NRG1: variants seen among roughly 807,000 people sequenced by gnomAD.
The protein encoded by NRG1 is neuregulin 1, also known as pro-neuregulin-1, membrane-bound isoform.
NRG1 carries 18 observed loss-of-function variants against 63.8 expected under a neutral mutation model. The ratio of observed to expected loss-of-function variants is 0.28; its 90% CI spans 0.19 to 0.42. The LOEUF (loss-of-function observed/expected upper bound fraction) is 0.42, where lower values mean the gene tolerates loss of function less well. Ranked by LOEUF, NRG1 falls within the 10% of genes least tolerant of loss-of-function variation. The probability of loss-of-function intolerance (pLI) is 1.00; values close to 1 mark genes in which losing one functional copy is unlikely to be tolerated. For missense variants in NRG1, 762 were observed against 814.7 expected (o/e 0.94, Z 0.79); for synonymous variants, 302 against 301.3 (o/e 1.00, Z -0.02).
At chr8:31,818,005 A>C (rs1823619622) in intron 1 of NRG1, among the ~76,000 whole-genome samples, 1 of 152,246 alleles carries the variant, frequency 6.6e-6, no homozygotes, top group Non-Finnish European at 1.5e-5. Context: ...AGTGATAAAG[A>C]ACTGATTTTA....
chr8:32,165,316 A>G (rs1293132364), intron 1 of NRG1, among the ~76,000 whole-genome samples: 2 of 151,856 alleles, frequency 1.3e-5, no homozygotes, highest in African/African-American at 4.8e-5. Flanking sequence ...ACTTTTTAAA[A>G]ACATTTTTGT....
intron 1 of NRG1, among the ~76,000 whole-genome samples, chr8:31,652,976 TCTCCTCTCCTCTC>T (rs1805018647): frequency 2.9e-5 from 1 of 34,972 alleles, no homozygotes; most frequent in African/African-American, 9.5e-5. Flanking sequence ...TCTCCTCTCC[TCTCCTCTCCTCTC>T]CTCTCCTCTC....
intron 1 of NRG1, among the ~76,000 whole-genome samples, chr8:31,817,393 AG>A (rs1823559073): frequency 6.6e-6 from 1 of 152,310 alleles, no homozygotes; most frequent in Admixed American, 6.5e-5. Context: ...AGAAGTGCCT[AG>A]CTACACACTC....
At chr8:31,704,513 A>G (rs1021737033) in intron 1 of NRG1, among the ~76,000 whole-genome samples, 2 of 152,116 alleles carry the variant, frequency 1.3e-5, no homozygotes, top group East Asian at 1.9e-4. Context: ...AAGACTCATG[A>G]CATTTTTTGG....
At chr8:31,841,811 C>A (rs922013937) in intron 1 of NRG1, among the ~76,000 whole-genome samples, 2 of 152,148 alleles carry the variant, frequency 1.3e-5, no homozygotes, top group African/African-American at 4.8e-5. Flanking sequence ...CCCTTCCTTA[C>A]TTTTTTTACA....
chr8:32,605,987 G>C (rs1201073556), intron 3 of NRG1, among the ~76,000 whole-genome samples: 2 of 151,460 alleles, frequency 1.3e-5, no homozygotes, highest in Admixed American at 1.3e-4. Flanking sequence ...TGGTCAGTGA[G>C]GGCAGTCAAG....
chr8:32,704,051 A>G (rs1484031279), intron 5 of NRG1, among the ~76,000 whole-genome samples: 1 of 152,266 alleles, frequency 6.6e-6, no homozygotes, highest in Non-Finnish European at 1.5e-5. Context: ...CCCTTCAGTA[A>G]CAAAGAATGA....
intron 1 of NRG1, among the ~76,000 whole-genome samples, chr8:32,293,611 A>G (rs1854466782): frequency 6.6e-6 from 1 of 150,792 alleles, no homozygotes; most frequent in Admixed American, 6.6e-5. Flanking sequence ...TCCTTGTTTG[A>G]TTTTTAGGAA....
chr8:32,561,841 T>A (rs1054637926), intron 1 of NRG1, among the ~76,000 whole-genome samples: 4 of 151,566 alleles, frequency 2.6e-5, no homozygotes. Flanking sequence ...ATTTATTTAT[T>A]TAGGGTTTTT....
intron 1 of NRG1, among the ~76,000 whole-genome samples, chr8:32,160,323 A>G (rs1838687031): frequency 6.6e-6 from 1 of 152,232 alleles, no homozygotes. Context: ...ATTGATGAGC[A>G]CTTACTGTGT....
intron 1 of NRG1, among the ~76,000 whole-genome samples, chr8:31,789,612 G>A (rs919743823): frequency 8.5e-5 from 13 of 152,172 alleles, no homozygotes; most frequent in African/African-American, 2.7e-4. Context: ...CCGAGTAAGT[G>A]AGGAAAGTTG....
intron 1 of NRG1, among the ~76,000 whole-genome samples, chr8:32,497,613 A>C (rs1223460457): frequency 2.6e-5 from 4 of 152,288 alleles, no homozygotes; most frequent in South Asian, 2.1e-4. Flanking sequence ...TTTTGGTACT[A>C]AACAGTTGAC....
rs561825461 is a variant in NRG1 at position 32,593,325 on chromosome 8, G to GTTTTT, written c.101-2502_101-2498dup. Among the ~76,000 whole-genome samples the GTTTTT allele has an allele frequency of 5.1e-4, 78 of 152,212 alleles. 1 individual carries two copies. The highest frequency in any genetic ancestry group is 1.8e-3 in the African/African-American group (75 of 41,534). ...GTATTTTTTTAATATGTGTAAACCA[G>GTTTTT]TTTTTGGTGTCATGTAGCACCGGCA... On this transcript the variant is annotated intron_variant, in intron 1 of 11. Coordinates refer to ENST00000356819, the Ensembl canonical transcript of NRG1.
At chr8:32,279,784 G>C (rs896962304) in intron 1 of NRG1, among the ~76,000 whole-genome samples, 5 of 152,202 alleles carry the variant, frequency 3.3e-5, no homozygotes, top group Non-Finnish European at 5.9e-5. Context: ...CTAGTTTCCA[G>C]CAGGCACTCT....
At position 32,748,356 on chromosome 8, in the gene NRG1, C is replaced by G. The variant is rs57366859; in HGVS notation, c.691+5623C>G. ...GCGCGCGCGCACACACACACACACA[C>G]ACAGAGAGAGAGAGAGAGAGAGAGA... On this transcript the variant is annotated intron_variant, in intron 7 of 11. Transcript: ENST00000356819. Among the ~76,000 whole-genome samples the G allele has an allele frequency of 9.5e-4, 77 of 81,056 alleles. 1 individual carries two copies. The South Asian group carries it at 0.023, about 25-fold the overall frequency. 53.2% of individuals were successfully genotyped at this position (81,056 alleles called of 152,430 possible).
At chr8:32,030,716 G>C (rs968560939) in intron 1 of NRG1, among the ~76,000 whole-genome samples, 3 of 152,090 alleles carry the variant, frequency 2.0e-5, no homozygotes, top group Non-Finnish European at 4.4e-5. Flanking sequence ...AAACAAATGA[G>C]AGTTGGCAGT....
At chr8:31,681,025 G>A (rs139852608) in intron 1 of NRG1, among the ~76,000 whole-genome samples, 1 of 152,140 alleles carries the variant, frequency 6.6e-6, no homozygotes, top group African/African-American at 2.4e-5. Flanking sequence ...CCCAGGAAGA[G>A]ACCCACACAT....
At chr8:32,418,582 G>GT (rs1816263026) in intron 1 of NRG1, among the ~76,000 whole-genome samples, 1 of 151,776 alleles carries the variant, frequency 6.6e-6, no homozygotes, top group Non-Finnish European at 1.5e-5. Context: ...GTCTATTGGC[G>GT]TTCGTATCAT....
At chr8:31,991,717 G>T (rs1180972617) in intron 1 of NRG1, among the ~76,000 whole-genome samples, 1 of 151,890 alleles carries the variant, frequency 6.6e-6, no homozygotes, top group African/African-American at 2.4e-5. Flanking sequence ...CTGTGGATAG[G>T]TTGCCTATTT....
Sources: gnomAD v4.1 joint callset for allele counts (sites outside exome capture counted in the v4.1 genomes callset) on GRCh38, gnomAD v4.1.1 for gene constraint, MANE v1.5 for transcripts, NCBI Gene and HGNC (gene_info 2026-07-23, HGNC 2026-07-21) for gene names.